The following ITGA4 variants were observed in gnomAD, a reference collection of about 807,000 sequenced individuals.
The protein encoded by ITGA4 is integrin subunit alpha 4, also known as integrin alpha-4.
A neutral mutation model predicts 133.6 loss-of-function variants in ITGA4; 63 were observed. The ratio of observed to expected loss-of-function variants is 0.47; its 90% CI spans 0.38 to 0.58. The LOEUF is 0.58. ITGA4 is among the 20% of genes least tolerant of loss of function. ITGA4 has a pLI of 0.00. For synonymous variants in ITGA4, 483 were observed against 438.0 expected (o/e 1.10, Z -1.28); for missense variants, 1,076 against 1,252.7 (o/e 0.86, Z 2.13).
rs1264630712 is a variant in ITGA4 at position 181,537,721 on chromosome 2, T to C, written c.*2194T>C. 2.3e-6 allele frequency: 1 copy of C among 429,202 alleles called. No individual in the cohort carries two copies. Among genetic ancestry groups the C allele is most frequent in the South Asian group, 1.7e-5 (1 of 59,666 alleles). The allele number at this position is 429,202 out of a possible 1,614,324, so 26.6% of individuals were successfully genotyped here. A position where few individuals can be genotyped will look rare whatever the true frequency, so the allele number is the denominator to read the frequency against. Reference sequence around the variant, plus strand: ...ATGATGGTTGCAAAGTTTTTTTGTGTGTCCAATAAACACATTGTAAAAAAA... The same window carrying C: ...ATGATGGTTGCAAAGTTTTTTTGTGCGTCCAATAAACACATTGTAAAAAAA... On this transcript the variant is annotated 3_prime_UTR_variant, in exon 28 of 28. Coordinates refer to ENST00000397033, the MANE Select transcript of ITGA4 (RefSeq NM_000885.6).
At chr2:181,493,450 A>T in intron 11 of ITGA4, 31 bp downstream of exon 11, 1 of 1,323,138 alleles carries the variant, frequency 7.6e-7, no homozygotes, top group Non-Finnish European at 1.1e-6. Flanking sequence ...CAAAAGAAGC[A>T]TTGGTTATAA....
At chr2:181,508,999 G>T (rs1362214446) in intron 15 of ITGA4, among the ~76,000 whole-genome samples, 1 of 151,518 alleles carries the variant, frequency 6.6e-6, no homozygotes, top group African/African-American at 2.4e-5. Flanking sequence ...AAAATGGGCT[G>T]GGCATGGTGG....
At chr2:181,486,969 C>A (rs1685935488) in intron 10 of ITGA4, among the ~76,000 whole-genome samples, 1 of 152,096 alleles carries the variant, frequency 6.6e-6, no homozygotes, top group Admixed American at 6.6e-5. Flanking sequence ...ATACCACAAT[C>A]TACTTTAAAT....
At position 181,523,933 on chromosome 2, in the gene ITGA4, G is replaced by A. The variant is rs145671094; in HGVS notation, c.2170-238G>A. ...TCTAATTTTGTCTAGACTTGCCTGC[G>A]TTCACATTCAGAGACGTCTTTGTCT... On this transcript the variant is annotated intron_variant, in intron 19 of 27. Coordinates refer to ENST00000397033, the MANE Select transcript of ITGA4 (RefSeq NM_000885.6). The surrounding 1 kb of genome is among the most constrained non-coding windows in gnomAD (Gnocchi z 4.2). 7.9e-5 allele frequency among the ~76,000 whole-genome samples: 12 copies of A among 152,200 alleles called. No individual in the cohort carries two copies. The East Asian group carries it at 1.9e-3, about 24-fold the overall frequency.
At position 181,457,508 on chromosome 2, in the gene ITGA4, C is replaced by G; in HGVS notation, c.-147C>G. On this transcript the variant is annotated 5_prime_UTR_variant, in exon 1 of 28. Transcript: ENST00000397033. Reference sequence around the variant, plus strand: ...CCGCGGTGGGCCGACTTCCCCTCCTCTTCCCTCTCTCCTTCCTTTAGCCCG... The same window carrying G: ...CCGCGGTGGGCCGACTTCCCCTCCTGTTCCCTCTCTCCTTCCTTTAGCCCG... 1.3e-6 allele frequency: 1 copy of G among 745,260 alleles called. No homozygotes were observed. The highest frequency in any genetic ancestry group is 1.9e-5 in the South Asian group (1 of 53,698). The allele number at this position is 745,260 out of a possible 1,614,324, so 46.2% of individuals were successfully genotyped here.
intron 15 of ITGA4, among the ~76,000 whole-genome samples, chr2:181,504,881 A>T (rs1025640126): frequency 1.3e-5 from 2 of 151,752 alleles, no homozygotes; most frequent in African/African-American, 2.4e-5. Context: ...GTAATGCTAG[A>T]TGTCTGACTG....
intron 15 of ITGA4, among the ~76,000 whole-genome samples, chr2:181,508,800 C>T (rs1420055357): frequency 6.6e-6 from 1 of 151,880 alleles, no homozygotes; most frequent in Non-Finnish European, 1.5e-5. Flanking sequence ...AATACTTTTC[C>T]TATATACCAT....
chr2:181,472,388 C>G (rs1685575743), intron 2 of ITGA4, among the ~76,000 whole-genome samples: 1 of 152,100 alleles, frequency 6.6e-6, no homozygotes. Flanking sequence ...AGATTTGTTT[C>G]TAAATATTGG....
At chr2:181,519,724 C>T (rs982330537) in intron 17 of ITGA4, among the ~76,000 whole-genome samples, 4 of 151,978 alleles carry the variant, frequency 2.6e-5, no homozygotes, top group South Asian at 2.1e-4. Flanking sequence ...GGGTACAGAT[C>T]GCAATGTGGT....
intron 11 of ITGA4, among the ~76,000 whole-genome samples, chr2:181,494,377 T>C (rs1686117839): frequency 6.6e-6 from 1 of 152,188 alleles, no homozygotes; most frequent in African/African-American, 2.4e-5. Flanking sequence ...GAGGCTGAGC[T>C]GGGAAGACTG....
intron 4 of ITGA4, chr2:181,476,166 T>C (rs1685671623): frequency 5.0e-6 from 1 of 198,908 alleles, no homozygotes; most frequent in Non-Finnish European, 1.0e-5. Context: ...ACCCAAAAGA[T>C]AAAAAAGTGA....
intron 11 of ITGA4, among the ~76,000 whole-genome samples, chr2:181,493,825 T>G (rs1010415187): frequency 6.6e-6 from 1 of 152,184 alleles, no homozygotes; most frequent in African/African-American, 2.4e-5. Flanking sequence ...ATTCTCTGGG[T>G]TTTTTTCACT....
At chr2:181,462,873 G>T (rs922565248) in intron 2 of ITGA4, among the ~76,000 whole-genome samples, 1 of 152,170 alleles carries the variant, frequency 6.6e-6, no homozygotes, top group African/African-American at 2.4e-5. Context: ...GCTGAAATCC[G>T]TTGCACATGT....
At chr2:181,470,442 A>G (rs1256518515) in intron 2 of ITGA4, among the ~76,000 whole-genome samples, 1 of 152,160 alleles carries the variant, frequency 6.6e-6, no homozygotes, top group Non-Finnish European at 1.5e-5. Context: ...ACCATATGCT[A>G]CAACTACCTG....
At chr2:181,463,619 A>G (rs1305646463) in intron 2 of ITGA4, among the ~76,000 whole-genome samples, 1 of 152,140 alleles carries the variant, frequency 6.6e-6, no homozygotes, top group East Asian at 1.9e-4. Context: ...ATGATGATCC[A>G]ATATACTGAA....
At chr2:181,526,767 A>G (rs943254384) in intron 21 of ITGA4, among the ~76,000 whole-genome samples, 13 of 148,658 alleles carry the variant, frequency 8.7e-5, no homozygotes, top group Non-Finnish European at 4.5e-5. Context: ...ATGGAAAGCA[A>G]GAAAAGAATA....
At chr2:181,527,433 T>C (rs1686856363) in intron 22 of ITGA4, 46 bp downstream of exon 22, 2 of 1,250,898 alleles carry the variant, frequency 1.6e-6, no homozygotes, top group Non-Finnish European at 2.3e-6. Context: ...CCTAAAAGGA[T>C]GTCACTGATG....
At chr2:181,479,896 C>G (rs1398572031) in intron 5 of ITGA4, among the ~76,000 whole-genome samples, 1 of 151,988 alleles carries the variant, frequency 6.6e-6, no homozygotes, top group East Asian at 1.9e-4. Flanking sequence ...CTTTTGAAAT[C>G]CACTGATAAA....
chr2:181,531,132 T>A (rs932153216), intron 24 of ITGA4, among the ~76,000 whole-genome samples: 4 of 146,896 alleles, frequency 2.7e-5, no homozygotes, highest in African/African-American at 9.9e-5. Flanking sequence ...AAAAAAAAAA[T>A]GTTATACAGT....
Sources: gnomAD v4.1 joint callset for allele counts (sites outside exome capture counted in the v4.1 genomes callset) on GRCh38, gnomAD v4.1.1 for gene constraint, Gnocchi (gnomAD v3.1) non-coding constraint, MANE v1.5 for transcripts, NCBI Gene and HGNC (gene_info 2026-07-23, HGNC 2026-07-21) for gene names.